The following FMN1 variants were observed in gnomAD, a reference collection of about 807,000 sequenced individuals.
FMN1 encodes formin-1.
In FMN1, 110 loss-of-function variants were observed where a neutral mutation model predicts 132.4. That is an observed-to-expected ratio of 0.83 (90% confidence interval 0.71 to 0.97). FMN1 has a LOEUF of 0.97. Ranked by LOEUF, FMN1 falls within the 50% of genes least tolerant of loss-of-function variation. The pLI is 0.00. For missense variants in FMN1, 1,792 were observed against 1,705.3 expected, an observed-to-expected ratio of 1.05 and a Z score of -0.90; for synonymous variants, 722 against 651.7, an observed-to-expected ratio of 1.11 and a Z score of -1.64.
At chr15:32,949,465 T>TGG (rs2061577636) in intron 9 of FMN1, among the ~76,000 whole-genome samples, 1 of 152,080 alleles carries the variant, frequency 6.6e-6, no homozygotes, top group Admixed American at 6.6e-5. Flanking sequence ...GAATTCCCTA[T>TGG]TCAATAAATG....
rs1156847064 is a variant in FMN1, at chr15:32,968,934, G to A, written c.2767C>T (p.Pro923Ser). Residue 923 changes from proline (P) to serine (S), a missense_variant, in exon 8 of 21, where the codon CCA becomes TCA. Transcript: ENST00000616417. ...GGAAGTGGGGGTGGGGGTGGGGGTG[G>A]TGGAGGTCCAGCACTTGAAGGTGGA... ...LPPPSSAGPP[P>S]PPPPPPLPNS... The A allele has an allele frequency of 4.1e-6, 3 of 739,916 alleles. No individual in the cohort carries two copies. Among genetic ancestry groups the A allele is most frequent in the South Asian group, 1.8e-5 (1 of 54,602 alleles). 45.8% of individuals were successfully genotyped at this position (739,916 alleles called of 1,614,324 possible). A position where few individuals can be genotyped will look rare whatever the true frequency, so the allele number is the denominator to read the frequency against.
intron 10 of FMN1, among the ~76,000 whole-genome samples, chr15:32,914,707 C>T (rs1047664251): frequency 6.6e-6 from 1 of 152,004 alleles, no homozygotes; most frequent in African/African-American, 2.4e-5. Flanking sequence ...AAGGATAGGG[C>T]AAAAAAGAAA....
chr15:33,047,680 C>T (rs879774825), intron 6 of FMN1, among the ~76,000 whole-genome samples: 7 of 152,170 alleles, frequency 4.6e-5, no homozygotes, highest in African/African-American at 1.7e-4. Flanking sequence ...CAGGAAATGA[C>T]TTTGAAGACT....
chr15:32,893,243 C>T (rs1324884846), intron 15 of FMN1, among the ~76,000 whole-genome samples: 2 of 152,188 alleles, frequency 1.3e-5, no homozygotes, highest in African/African-American at 2.4e-5. Context: ...CATCTGAGTG[C>T]CAAGATGGAA....
At chr15:33,103,157 A>C (rs1403311602) in intron 4 of FMN1, among the ~76,000 whole-genome samples, 2 of 152,004 alleles carry the variant, frequency 1.3e-5, no homozygotes, top group East Asian at 3.9e-4. Flanking sequence ...TGTTCAGAAC[A>C]TCCAGGTTTT....
At chr15:33,022,515 G>C (rs987478207) in intron 6 of FMN1, among the ~76,000 whole-genome samples, 2 of 152,214 alleles carry the variant, frequency 1.3e-5, no homozygotes, top group Non-Finnish European at 2.9e-5. Context: ...TGTCCCAACA[G>C]ACCTCCAGTT....
chr15:33,155,489 G>A (rs1339064873), intron 3 of FMN1, among the ~76,000 whole-genome samples: 1 of 152,112 alleles, frequency 6.6e-6, no homozygotes, highest in African/African-American at 2.4e-5. Flanking sequence ...GATCGATCAA[G>A]CCTTTTTACC....
At chr15:33,123,719 C>T (rs1962783648) in intron 4 of FMN1, among the ~76,000 whole-genome samples, 1 of 152,232 alleles carries the variant, frequency 6.6e-6, no homozygotes, top group Non-Finnish European at 1.5e-5. Flanking sequence ...CTCACTCCAA[C>T]ATCAGCACAT....
intron 17 of FMN1, among the ~76,000 whole-genome samples, chr15:32,839,572 A>C (rs189927250): frequency 3.5e-4 from 53 of 152,238 alleles, no homozygotes; most frequent in African/African-American, 1.2e-3. Flanking sequence ...AGCTACTCCA[A>C]ACATAGTTTC....
At chr15:33,160,539 G>C (rs1964847514) in intron 3 of FMN1, among the ~76,000 whole-genome samples, 1 of 152,068 alleles carries the variant, frequency 6.6e-6, no homozygotes, top group Non-Finnish European at 1.5e-5. Flanking sequence ...AGAGGAAAAA[G>C]AGCAGTAAGT....
chr15:33,001,080 C>G (rs1457831602), intron 7 of FMN1, among the ~76,000 whole-genome samples: 1 of 152,136 alleles, frequency 6.6e-6, no homozygotes, highest in African/African-American at 2.4e-5. Context: ...GTCAGGAGTT[C>G]AAGATCAGCC....
chr15:32,958,787 A>G (rs2030147987), intron 9 of FMN1, among the ~76,000 whole-genome samples: 1 of 152,180 alleles, frequency 6.6e-6, no homozygotes, highest in Non-Finnish European at 1.5e-5. Flanking sequence ...CACGCCTGTA[A>G]TCCCAGCACT....
rs1037019049 is a variant in FMN1 at position 32,863,015 on chromosome 15, T to C, written c.3836-5908A>G. Among the ~76,000 whole-genome samples, 5 of 152,208 alleles carry C rather than the reference T, an allele frequency of 3.3e-5. No homozygotes were observed. In the East Asian group the frequency reaches 9.8e-4, roughly 30 times the overall value. ...GCCATAGAAAATGGCTGCAGCAACA[T>C]ATGGAATTTTTTTACTAAAGCAAAT... On this transcript the variant is annotated intron_variant, in intron 16 of 20. Transcript: ENST00000616417.
At chr15:33,124,755 A>T (rs1244176852) in intron 4 of FMN1, among the ~76,000 whole-genome samples, 3 of 151,288 alleles carry the variant, frequency 2.0e-5, no homozygotes, top group Non-Finnish European at 2.9e-5. Context: ...ACTAAATAGC[A>T]CTCCTTTGTG....
At chr15:32,846,230 C>T (rs529038456) in intron 17 of FMN1, among the ~76,000 whole-genome samples, 3 of 152,228 alleles carry the variant, frequency 2.0e-5, no homozygotes, top group Non-Finnish European at 2.9e-5. Flanking sequence ...AAAAGTATTG[C>T]TTAATCTAAT....
In FMN1 at chr15:32,802,415, T is replaced by C. The variant is rs538630696; in HGVS notation, c.3980+1866A>G. Among the ~76,000 whole-genome samples, 11 of 152,322 alleles carry C rather than the reference T, an allele frequency of 7.2e-5. No homozygotes were observed. In the East Asian group the frequency reaches 9.6e-4, roughly 13 times the overall value. ...AAATATGCCTTAGCCTCAGAGTAAA[T>C]TGTTTCTCTTGAGAATAAAACATAA... On this transcript the variant is annotated intron_variant, in intron 18 of 20. Transcript: ENST00000616417.
intron 4 of FMN1, among the ~76,000 whole-genome samples, chr15:33,140,462 G>C (rs1395074232): frequency 1.3e-5 from 2 of 152,168 alleles, no homozygotes; most frequent in Non-Finnish European, 2.9e-5. Context: ...CTGGGGCAAG[G>C]AACGACAGAT....
At chr15:32,971,552 C>T (rs1430082938) in intron 7 of FMN1, among the ~76,000 whole-genome samples, 3 of 152,146 alleles carry the variant, frequency 2.0e-5, no homozygotes, top group Non-Finnish European at 4.4e-5. Flanking sequence ...CACATCTTAG[C>T]CCTGATTACC....
At chr15:33,158,200 C>T (rs1436963656) in intron 3 of FMN1, among the ~76,000 whole-genome samples, 1 of 151,940 alleles carries the variant, frequency 6.6e-6, no homozygotes, top group Non-Finnish European at 1.5e-5. Flanking sequence ...AAGAGAAGGA[C>T]TGACATAAAG....
Sources: allele counts gnomAD v4.1 joint callset (sites outside exome capture counted in the v4.1 genomes callset), GRCh38; gene constraint gnomAD v4.1.1; transcripts MANE v1.5; gene names NCBI Gene and HGNC (gene_info 2026-07-23, HGNC 2026-07-21).